The following ADAMTS3 variants were observed in gnomAD, a reference collection of about 807,000 sequenced individuals.
ADAMTS3 encodes ADAM metallopeptidase with thrombospondin type 1 motif 3.
In ADAMTS3, 73 loss-of-function variants were observed where a neutral mutation model predicts 129.0. The ratio of observed to expected loss-of-function variants is 0.57; its 90% confidence interval spans 0.47 to 0.69. ADAMTS3 has a LOEUF of 0.69. Among genes scored for constraint, ADAMTS3 ranks in the 30% least tolerant of loss-of-function variants. The pLI is 0.00. For synonymous variants in ADAMTS3, 477 were observed against 510.8 expected, an observed-to-expected ratio of 0.93 and a Z score of 0.89; for missense variants, 1,457 against 1,514.5, an observed-to-expected ratio of 0.96 and a Z score of 0.63.
chr4:72,506,772 G>A (rs958048104), intron 3 of ADAMTS3, among the ~76,000 whole-genome samples: 1 of 152,110 alleles, frequency 6.6e-6, no homozygotes, highest in Non-Finnish European at 1.5e-5. Context: ...CTCACATACT[G>A]GGGCTTCACT....
At chr4:72,519,396 T>C (rs1389276255) in intron 3 of ADAMTS3, among the ~76,000 whole-genome samples, 1 of 152,248 alleles carries the variant, frequency 6.6e-6, no homozygotes, top group East Asian at 1.9e-4. Flanking sequence ...CCTTGCTGGA[T>C]TGGGGAAGTT....
intron 2 of ADAMTS3, among the ~76,000 whole-genome samples, chr4:72,552,856 AC>A (rs1721678201): frequency 6.6e-6 from 1 of 152,034 alleles, no homozygotes. Flanking sequence ...TCTGTGTCTT[AC>A]CTTTCGCCAT....
intron 3 of ADAMTS3, among the ~76,000 whole-genome samples, chr4:72,504,111 G>A (rs1038998760): frequency 2.0e-5 from 3 of 152,126 alleles, no homozygotes; most frequent in Non-Finnish European, 4.4e-5. Flanking sequence ...ATTGATATGT[G>A]AGGTTTTGAT....
At chr4:72,444,075 GAA>G (rs1376562290) in intron 3 of ADAMTS3, among the ~76,000 whole-genome samples, 2 of 151,746 alleles carry the variant, frequency 1.3e-5, no homozygotes, top group Non-Finnish European at 2.9e-5. Context: ...ATGGCACCAG[GAA>G]AGAGGCAGCA....
intron 3 of ADAMTS3, among the ~76,000 whole-genome samples, chr4:72,440,779 T>C (rs937392624): frequency 1.3e-5 from 2 of 151,774 alleles, no homozygotes; most frequent in African/African-American, 2.4e-5. Context: ...ATTTTGTCCA[T>C]CCATAATCAA....
chr4:72,419,490 G>A (rs759938563), intron 3 of ADAMTS3, among the ~76,000 whole-genome samples: 6 of 152,176 alleles, frequency 3.9e-5, no homozygotes, highest in Admixed American at 6.5e-5. Context: ...GCCGTTCAGG[G>A]TGGAGCAAAG....
intron 3 of ADAMTS3, among the ~76,000 whole-genome samples, chr4:72,434,452 C>T (rs1722772135): frequency 6.6e-6 from 1 of 151,678 alleles, no homozygotes; most frequent in African/African-American, 2.4e-5. Context: ...GGTCCCGGAC[C>T]TTTAAGAAAC....
chr4:72,382,200 C>A (rs1170181235), intron 4 of ADAMTS3, among the ~76,000 whole-genome samples: 1 of 151,890 alleles, frequency 6.6e-6, no homozygotes, highest in Non-Finnish European at 1.5e-5. Flanking sequence ...TATTATGGCA[C>A]ACATAGTTAA....
intron 4 of ADAMTS3, among the ~76,000 whole-genome samples, chr4:72,394,122 T>A (rs1452557099): frequency 6.6e-6 from 1 of 152,130 alleles, no homozygotes; most frequent in African/African-American, 2.4e-5. Flanking sequence ...AGAGGAATAA[T>A]GCTATAAAGA....
At chr4:72,453,627 A>G (rs1225150221) in intron 3 of ADAMTS3, among the ~76,000 whole-genome samples, 1 of 151,718 alleles carries the variant, frequency 6.6e-6, no homozygotes, top group African/African-American at 2.4e-5. Context: ...ATTAGATAAT[A>G]ATCCTTTGGA....
rs1721780081 is a variant in ADAMTS3, at chr4:72,398,340, T to TGCCTTGGTCAG, written c.661+16474_661+16475insCTGACCAAGGC. Among the ~76,000 whole-genome samples the TGCCTTGGTCAG allele has an allele frequency of 3.9e-5, 6 of 152,248 alleles. No individual in the cohort carries two copies. The South Asian group carries it at 1.2e-3, about 32-fold the overall frequency. On this transcript the variant is annotated intron_variant, in intron 4 of 21. Transcript: ENST00000286657. ...GGGAGGCCAAGGCAGGTGGATCACC[T>TGCCTTGGTCAG]GAGGTCAGGAGGTCAAGACCAGCCT...
intron 3 of ADAMTS3, among the ~76,000 whole-genome samples, chr4:72,540,024 A>G (rs915134301): frequency 1.3e-5 from 2 of 152,202 alleles, no homozygotes; most frequent in African/African-American, 4.8e-5. Flanking sequence ...TGTGAAAGCA[A>G]CTTTGGAACT....
chr4:72,382,693 G>A (rs1578631769), intron 4 of ADAMTS3, among the ~76,000 whole-genome samples: 1 of 152,124 alleles, frequency 6.6e-6, no homozygotes, highest in Non-Finnish European at 1.5e-5. Context: ...GGCATACTAT[G>A]CAGCCATAAA....
chr4:72,297,310 A>G (rs1396817041), intron 18 of ADAMTS3, among the ~76,000 whole-genome samples: 2 of 152,146 alleles, frequency 1.3e-5, no homozygotes, highest in African/African-American at 4.8e-5. Context: ...TGTTGAGAGT[A>G]CAGCAGAAGG....
chr4:72,286,918 A>C (rs1718520599), intron 21 of ADAMTS3, among the ~76,000 whole-genome samples: 1 of 152,098 alleles, frequency 6.6e-6, no homozygotes, highest in Non-Finnish European at 1.5e-5. Context: ...AAAGAGACAG[A>C]CACAAGGAGT....
chr4:72,513,049 T>C (rs554013594), intron 3 of ADAMTS3, among the ~76,000 whole-genome samples: 1 of 152,288 alleles, frequency 6.6e-6, no homozygotes, highest in East Asian at 1.9e-4. Flanking sequence ...CAGCTTCAGT[T>C]ACCTCCTTTA....
At chr4:72,389,613 G>A (rs1263590903) in intron 4 of ADAMTS3, among the ~76,000 whole-genome samples, 3 of 151,970 alleles carry the variant, frequency 2.0e-5, no homozygotes, top group Non-Finnish European at 4.4e-5. Flanking sequence ...ATGCAGTGGA[G>A]AAACAGCTGC....
At chr4:72,373,367 C>G in intron 4 of ADAMTS3, among the ~76,000 whole-genome samples, 1 of 151,796 alleles carries the variant, frequency 6.6e-6, no homozygotes, top group Non-Finnish European at 1.5e-5. Context: ...GTAAATGGTG[C>G]CAAAATGGAA....
At chr4:72,355,658 A>G (rs1720564203) in intron 4 of ADAMTS3, among the ~76,000 whole-genome samples, 1 of 152,020 alleles carries the variant, frequency 6.6e-6, no homozygotes, top group Admixed American at 6.6e-5. Context: ...GGATGCAGCA[A>G]CAAGGCACCA....
Sources: allele counts gnomAD v4.1 joint callset (sites outside exome capture counted in the v4.1 genomes callset), GRCh38; gene constraint gnomAD v4.1.1; transcripts MANE v1.5; gene names NCBI Gene and HGNC (gene_info 2026-07-23, HGNC 2026-07-21).